KIF13A: variants seen among roughly 807,000 people sequenced by gnomAD.
KIF13A encodes kinesin-like protein KIF13A.
A neutral mutation model predicts 212.2 loss-of-function variants in KIF13A; 79 were observed. The observed-to-expected ratio is 0.37, with a 90% CI of 0.31 to 0.45. KIF13A has a LOEUF of 0.45. Ranked by LOEUF, KIF13A falls within the 20% of genes least tolerant of loss-of-function variation. The pLI is 1.00. For synonymous variants in KIF13A, 789 were observed against 808.6 expected, an observed-to-expected ratio of 0.98 and a Z score of 0.41; for missense variants, 1,901 against 2,209.0, an observed-to-expected ratio of 0.86 and a Z score of 2.79.
intron 2 of KIF13A, among the ~76,000 whole-genome samples, chr6:17,938,399 G>A (rs1776660669): frequency 6.6e-6 from 1 of 152,148 alleles, no homozygotes; most frequent in African/African-American, 2.4e-5. Flanking sequence ...CATTCCTGGA[G>A]GTTGGAGGGT....
At chr6:17,887,238 G>C (rs573081379) in intron 3 of KIF13A, among the ~76,000 whole-genome samples, 1 of 152,212 alleles carries the variant, frequency 6.6e-6, no homozygotes, top group East Asian at 1.9e-4. Flanking sequence ...CTTCAATCTG[G>C]AGCCCAGATT....
In KIF13A at chr6:17,892,539, G is replaced by A. The variant is rs1772162814; in HGVS notation, c.159+5629C>T. ...TTTGTATGCTAATGAGATGACTGGT[G>A]GCTGGGGTCCCCAGGTGGCTTCAAG... On this transcript the variant is annotated intron_variant, in intron 3 of 38. Transcript: ENST00000259711. The surrounding 1 kb of genome is among the most constrained non-coding windows in gnomAD (Gnocchi z 4.7). 6.6e-6 allele frequency among the ~76,000 whole-genome samples: 1 copy of A among 152,194 alleles called. No homozygotes were observed. The highest frequency in any genetic ancestry group is 2.1e-4 in the South Asian group (1 of 4,820).
intron 23 of KIF13A, among the ~76,000 whole-genome samples, chr6:17,795,823 A>AT (rs1454458100): frequency 6.6e-6 from 1 of 152,062 alleles, no homozygotes; most frequent in Non-Finnish European, 1.5e-5. Context: ...AACTTAAACA[A>AT]TTTTTTCTTC....
At position 17,780,741 on chromosome 6, in the gene KIF13A, A is replaced by G; in HGVS notation, c.3835T>C (p.Tyr1279His). Reference protein sequence around the residue: ...VLRKRIAANIYNKQSFTQSLK... With the variant: ...VLRKRIAANIHNKQSFTQSLK... ...GGCCCCGTTATTACCTGTTTGTTGT[A>G]AATATTGGCTGCAATTCGTTTTCGT... The change falls in exon 31 of 39, where the codon TAC becomes CAC. Residue 1279 changes from tyrosine to histidine, a missense_variant. By Grantham distance (83) the Tyr-to-His change is moderately conservative. Transcript: ENST00000259711. 6.2e-7 allele frequency: 1 copy of G among 1,613,862 alleles called. No homozygotes were observed. Among genetic ancestry groups the G allele is most frequent in the Non-Finnish European group, 8.5e-7 (1 of 1,179,792 alleles).
chr6:17,794,451 A>G lies in KIF13A; in HGVS notation c.3076-56T>C. 6.3e-7 allele frequency: 1 copy of G among 1,580,122 alleles called. No individual in the cohort carries two copies. ...AGGAATGATAATGAAAAGGAACGGG[A>G]TAAAGAAGGGGAAAAGGATTAGAGA... On this transcript the variant is annotated intron_variant, in intron 24 of 38. Coordinates refer to ENST00000259711, the MANE Select transcript of KIF13A (RefSeq NM_022113.6). This position sits in a 1 kb window ranked among gnomAD's most constrained non-coding sequence, Gnocchi z 4.1.
rs1774393727 is a variant in KIF13A at position 17,915,272 on chromosome 6, G to A, written c.147-17092C>T. Among the ~76,000 whole-genome samples, 1 of 152,112 alleles carries A rather than the reference G, an allele frequency of 6.6e-6. No homozygotes were observed. The highest frequency in any genetic ancestry group is 1.5e-5 in the Non-Finnish European group (1 of 68,020). ...GGGATGCAGAAGCCAGACTGCCCAG[G>A]TTCCATTCTTGCCTCCACCACTTTG... On this transcript the variant is annotated intron_variant, in intron 2 of 38. Coordinates refer to ENST00000259711, the MANE Select transcript of KIF13A (RefSeq NM_022113.6). The surrounding 1 kb of genome is among the most constrained non-coding windows in gnomAD (Gnocchi z 4.4).
rs900669473 is a variant in KIF13A at position 17,892,781 on chromosome 6, C to T, written c.159+5387G>A. Reference sequence around the variant, plus strand: ...AAGAAGGTACTGGAAGGGCAGTACACACAGAAAGGGCAGAGAGGCTTCATG... The same window carrying T: ...AAGAAGGTACTGGAAGGGCAGTACATACAGAAAGGGCAGAGAGGCTTCATG... On this transcript the variant is annotated intron_variant, in intron 3 of 38. Transcript: ENST00000259711. The surrounding 1 kb of genome is among the most constrained non-coding windows in gnomAD (Gnocchi z 4.7). Among the ~76,000 whole-genome samples, 3 of 152,212 alleles carry T rather than the reference C, an allele frequency of 2.0e-5. No individual in the cohort carries two copies. Among genetic ancestry groups the T allele is most frequent in the African/African-American group, 7.2e-5 (3 of 41,452 alleles).
intron 9 of KIF13A, among the ~76,000 whole-genome samples, chr6:17,848,235 CTT>C (rs1302954627): frequency 6.6e-6 from 1 of 152,116 alleles, no homozygotes. Context: ...ACCTCAAACA[CTT>C]ATCATTTTTT....
In KIF13A at chr6:17,961,721, A is replaced by G. The variant is rs1222568427; in HGVS notation, c.146+25333T>C. ...GTATAACAGTTATTTTCCTGTTTGC[A>G]TGGGCTTCTAGGATCCTCCAGCCAA... On this transcript the variant is annotated intron_variant, in intron 2 of 38. Transcript: ENST00000259711. This position sits in a 1 kb window ranked among gnomAD's most constrained non-coding sequence, Gnocchi z 4.1. 6.6e-6 allele frequency among the ~76,000 whole-genome samples: 1 copy of G among 152,188 alleles called. No individual in the cohort carries two copies. The highest frequency in any genetic ancestry group is 1.9e-4 in the East Asian group (1 of 5,200).
rs1760106169 is a variant in KIF13A, at chr6:17,777,507, A to C, written c.4093-153T>G. Among the ~76,000 whole-genome samples the C allele has an allele frequency of 1.3e-5, 2 of 151,620 alleles. No individual in the cohort carries two copies. Among genetic ancestry groups the C allele is most frequent in the Admixed American group, 1.3e-4 (2 of 15,218 alleles). ...CAAGCAATTCTGCCTCAGTCTCCTG[A>C]GTAGCTGGGACTACAGGTGCACGCC... is the stretch of plus-strand genomic sequence containing the variant. On this transcript the variant is annotated intron_variant, in intron 33 of 38. Coordinates refer to ENST00000259711, the MANE Select transcript of KIF13A (RefSeq NM_022113.6). This position sits in a 1 kb window ranked among gnomAD's most constrained non-coding sequence, Gnocchi z 4.4.
chr6:17,898,199 A>T lies in KIF13A; in HGVS notation c.147-19T>A, dbSNP rs1561737042. ...AGGTTTCCTTAATGATGGGAAAAAA[A>T]AAATTCAGCAGCAGGGATACAGAGG... On this transcript the variant is annotated intron_variant, in intron 2 of 38. Coordinates refer to ENST00000259711, the MANE Select transcript of KIF13A (RefSeq NM_022113.6). The surrounding 1 kb of genome is among the most constrained non-coding windows in gnomAD (Gnocchi z 5.2). The T allele has an allele frequency of 6.2e-7, 1 of 1,612,856 alleles. No individual in the cohort carries two copies. Among genetic ancestry groups the T allele is most frequent in the East Asian group, 2.2e-5 (1 of 44,834 alleles).
intron 22 of KIF13A, among the ~76,000 whole-genome samples, chr6:17,798,000 C>G (rs553142782): frequency 6.2e-4 from 94 of 152,264 alleles, no homozygotes; most frequent in Non-Finnish European, 5.4e-4. Flanking sequence ...GGCAACGAGC[C>G]AAGCTAATTT....
At chr6:17,861,908 T>C in intron 4 of KIF13A, among the ~76,000 whole-genome samples, 1 of 152,244 alleles carries the variant, frequency 6.6e-6, no homozygotes, top group Non-Finnish European at 1.5e-5. Context: ...TTTTCTCTTT[T>C]CCTTCATGAT....
rs1011747884 is a variant in KIF13A at position 17,771,538 on chromosome 6, G to A, written c.4477-320C>T. 2.6e-5 allele frequency: 10 copies of A among 381,764 alleles called. No homozygotes were observed. In the Admixed American group the frequency reaches 4.2e-4, roughly 16 times the overall value. The allele number at this position is 381,764 out of a possible 1,614,324, so 23.6% of individuals were successfully genotyped here. On this transcript the variant is annotated intron_variant, in intron 37 of 38. Transcript: ENST00000259711. This position sits in a 1 kb window ranked among gnomAD's most constrained non-coding sequence, Gnocchi z 5.4. ...GGCCAGGAGTTTCAGACCAGCCTGG[G>A]CAACACAGCAAGACCCTATCTCTAT... is the stretch of plus-strand genomic sequence containing the variant.
At chr6:17,813,839 G>A (rs1003115455) in intron 17 of KIF13A, among the ~76,000 whole-genome samples, 11 of 152,002 alleles carry the variant, frequency 7.2e-5, no homozygotes, top group African/African-American at 2.7e-4. Context: ...CTCTCAGCCT[G>A]AGTTTCCTTA....
intron 2 of KIF13A, among the ~76,000 whole-genome samples, chr6:17,921,343 A>G (rs1169695554): frequency 1.3e-5 from 2 of 152,248 alleles, no homozygotes; most frequent in African/African-American, 2.4e-5. Flanking sequence ...CACTTCAAGG[A>G]AAGCTGACAA....
At chr6:17,858,123 ATGTGTG>A (rs148382700) in intron 4 of KIF13A, among the ~76,000 whole-genome samples, 3 of 137,858 alleles carry the variant, frequency 2.2e-5, no homozygotes, top group African/African-American at 7.6e-5. Flanking sequence ...GCATGCACGC[ATGTGTG>A]TGTGTGTGTG....
chr6:17,848,411 C>A (rs1361893301), intron 9 of KIF13A, among the ~76,000 whole-genome samples: 1 of 152,104 alleles, frequency 6.6e-6, no homozygotes, highest in African/African-American at 2.4e-5. Context: ...CCCCTGGCCT[C>A]CCCTTTCCAG....
At chr6:17,904,388 A>G (rs1773310992) in intron 2 of KIF13A, among the ~76,000 whole-genome samples, 1 of 152,168 alleles carries the variant, frequency 6.6e-6, no homozygotes, top group South Asian at 2.1e-4. Flanking sequence ...GAATCACTTG[A>G]ACCTGGGAAG....
Sources: gnomAD v4.1 joint callset for allele counts (sites outside exome capture counted in the v4.1 genomes callset) on GRCh38, gnomAD v4.1.1 for gene constraint, Gnocchi (gnomAD v3.1) non-coding constraint, MANE v1.5 for transcripts, NCBI Gene and HGNC (gene_info 2026-07-23, HGNC 2026-07-21) for gene names.